Variants in RNF168 observed in about 807,000 individuals in gnomAD.
The protein encoded by RNF168 is ring finger protein 168.
Under a neutral mutation model 34.9 loss-of-function variants are expected in RNF168, and 34 were observed. The observed-to-expected ratio is 0.97, with a 90% confidence interval of 0.74 to 1.30. RNF168 has a LOEUF of 1.30. Ranked by LOEUF, RNF168 falls within the 50% of genes most tolerant of loss-of-function variation. The pLI is 0.00. For synonymous variants in RNF168, 264 were observed against 254.7 expected (o/e 1.04, Z -0.35); for missense variants, 725 against 682.5 (o/e 1.06, Z -0.69).
At chr3:196,495,218 A>G (rs1732711510) in intron 1 of RNF168, among the ~76,000 whole-genome samples, 1 of 152,110 alleles carries the variant, frequency 6.6e-6, no homozygotes, top group Non-Finnish European at 1.5e-5. Flanking sequence ...TGAAAGTTGC[A>G]TGATCATAAC....
chr3:196,503,290 C>T lies in RNF168; in HGVS notation c.-117G>A, dbSNP rs891086109. ...TGTGTTTCAGTATTATGCCCAGAAG[C>T]GTATCAGAATTCGGAGAACAGGAGC... On this transcript the variant is annotated 5_prime_UTR_variant, in exon 1 of 6. Coordinates refer to ENST00000318037, the MANE Select transcript of RNF168 (RefSeq NM_152617.4). The T allele has an allele frequency of 5.3e-5, 48 of 898,058 alleles. No individual in the cohort carries two copies. Among genetic ancestry groups the T allele is most frequent in the Non-Finnish European group, 8.3e-5 (46 of 557,522 alleles). 55.6% of individuals were successfully genotyped at this position (898,058 alleles called of 1,614,324 possible).
intron 1 of RNF168, among the ~76,000 whole-genome samples, chr3:196,494,926 G>A (rs751038282): frequency 2.6e-5 from 4 of 152,170 alleles, no homozygotes; most frequent in African/African-American, 9.7e-5. Context: ...AGGAGGTTGA[G>A]GTGGGAGGAT....
chr3:196,493,200 C>T (rs1401552714), intron 1 of RNF168, among the ~76,000 whole-genome samples: 1 of 152,164 alleles, frequency 6.6e-6, no homozygotes, highest in Middle Eastern at 3.2e-3. Flanking sequence ...GTGCGATTTA[C>T]AGAAGATGCC....
chr3:196,480,846 T>C (rs1732269130), intron 4 of RNF168, among the ~76,000 whole-genome samples: 1 of 152,140 alleles, frequency 6.6e-6, no homozygotes, highest in Admixed American at 6.5e-5. Context: ...GGTCTCCCTG[T>C]GCAGCTCGGG....
rs1732303006 is a variant in RNF168, at chr3:196,481,961, GCT to G, written c.680+1807_680+1808del. On this transcript the variant is annotated intron_variant, in intron 4 of 5. Transcript: ENST00000318037. ...TTATAGGCATGAGCCACTGTCCCTG[GCT>G]TTTTTTTTTTTTTTTTTTTAGAGAC... 1.7e-4 allele frequency among the ~76,000 whole-genome samples: 23 copies of G among 132,818 alleles called. 1 individual carries two copies. The highest frequency in any genetic ancestry group is 2.1e-4 in the Non-Finnish European group (13 of 62,276). 87.1% of individuals were successfully genotyped at this position (132,818 alleles called of 152,430 possible).
intron 3 of RNF168, 34 bp downstream of exon 3, chr3:196,487,365 T>C (rs1404318844): frequency 6.4e-7 from 1 of 1,573,152 alleles, no homozygotes; most frequent in Non-Finnish European, 8.8e-7. Flanking sequence ...TACCAAGGGA[T>C]GACCATACCT....
At position 196,471,899 on chromosome 3, in the gene RNF168, C is replaced by A. The variant is rs1354709386; in HGVS notation, c.1636G>T (p.Val546Leu). 1.2e-6 allele frequency: 2 copies of A among 1,613,818 alleles called. No individual in the cohort carries two copies. Among genetic ancestry groups the A allele is most frequent in the Non-Finnish European group, 1.7e-6 (2 of 1,179,906 alleles). ...MPNSTRDHCK[V>L]SKSAHSLQPS... is the part of the protein sequence containing the mutation. ...TGTAGGGAGTGAGCACTTTTGGATACCTTACAGTGATCTCTAGTAGAATTT... is the reference window on the plus strand; with the variant it reads ...TGTAGGGAGTGAGCACTTTTGGATAACTTACAGTGATCTCTAGTAGAATTT... Residue 546 changes from valine to leucine, a missense_variant, in exon 6 of 6, where the codon GTA becomes TTA. Transcript: ENST00000318037.
chr3:196,486,396 G>A (rs369702339), intron 3 of RNF168, among the ~76,000 whole-genome samples: 3 of 152,020 alleles, frequency 2.0e-5, no homozygotes, highest in East Asian at 1.9e-4. Context: ...GTGCAGTGGC[G>A]AGATCAGCTC....
In RNF168 at chr3:196,488,607, CT is replaced by C. The variant is rs763609874; in HGVS notation, c.377del (p.Lys126ArgfsTer47). ...LRREYEEEIS[K>X]VAAERRASEE... ...AAAAAAAAAACTATTTAGCACCTAC[CT>C]TGCTTATTTCCTCTTCATATTCTCT... On this transcript the variant is annotated frameshift_variant and splice_region_variant, in exon 2 of 6. Coordinates refer to ENST00000318037, the MANE Select transcript of RNF168 (RefSeq NM_152617.4). LOFTEE classifies it high-confidence loss of function. 16 of 1,574,628 alleles carry C rather than the reference CT, an allele frequency of 1.0e-5. No individual in the cohort carries two copies. Among genetic ancestry groups the C allele is most frequent in the African/African-American group, 2.7e-5 (2 of 73,978 alleles).
At chr3:196,491,550 ACAGAAGAATTGC>A (rs1166168197) in intron 1 of RNF168, among the ~76,000 whole-genome samples, 1 of 141,486 alleles carries the variant, frequency 7.1e-6, no homozygotes, top group Non-Finnish European at 1.5e-5. Context: ...AGAGGCTGAC[ACAGAAGAATTGC>A]TTGAACCCGG....
At chr3:196,474,430 T>A (rs928489866) in intron 5 of RNF168, among the ~76,000 whole-genome samples, 3 of 148,406 alleles carry the variant, frequency 2.0e-5, no homozygotes, top group Non-Finnish European at 3.0e-5. Context: ...GTGCTTGGCC[T>A]CCCATCTTGT....
chr3:196,479,382 G>A (rs1449518182), intron 4 of RNF168, among the ~76,000 whole-genome samples: 1 of 151,802 alleles, frequency 6.6e-6, no homozygotes, highest in East Asian at 1.9e-4. Context: ...ATAGCTCACG[G>A]CAGCCTTGAC....
At position 196,503,344 on chromosome 3, in the gene RNF168, C is replaced by G; in HGVS notation, c.-171G>C. On this transcript the variant is annotated 5_prime_UTR_variant, in exon 1 of 6. Transcript: ENST00000318037. Reference sequence around the variant, plus strand: ...CAACACGTCTTGAAGCAAAAAGGCGCTCTCAGGGTCAGGCAAACAGGAATA... The same window carrying G: ...CAACACGTCTTGAAGCAAAAAGGCGGTCTCAGGGTCAGGCAAACAGGAATA... 1.5e-6 allele frequency: 1 copy of G among 668,190 alleles called. No homozygotes were observed. The highest frequency in any genetic ancestry group is 2.7e-6 in the Non-Finnish European group (1 of 376,064). The allele number at this position is 668,190 out of a possible 1,614,324, so 41.4% of individuals were successfully genotyped here.
rs1335801691 is a variant in RNF168, at chr3:196,474,309, G to T, written c.762+922C>A. Among the ~76,000 whole-genome samples the T allele has an allele frequency of 1.7e-3, 243 of 140,308 alleles. 2 individuals are homozygous for T. Among genetic ancestry groups the T allele is most frequent in the African/African-American group, 6.0e-3 (231 of 38,354 alleles). 92.0% of individuals were successfully genotyped at this position (140,308 alleles called of 152,430 possible). The stretch of plus-strand genomic sequence containing the variant: ...CTGGCTAATTTTTTTTTTTTTTTTG[G>T]TATTTTTAGTAGAGATGGGGTTTCA... On this transcript the variant is annotated intron_variant, in intron 5 of 5. Transcript: ENST00000318037.
At chr3:196,481,194 T>C (rs1286444294) in intron 4 of RNF168, among the ~76,000 whole-genome samples, 1 of 152,218 alleles carries the variant, frequency 6.6e-6, no homozygotes, top group Non-Finnish European at 1.5e-5. Flanking sequence ...CTCCTTTTAT[T>C]GTGTTACTGT....
chr3:196,480,429 C>T (rs1732258605), intron 4 of RNF168, among the ~76,000 whole-genome samples: 1 of 152,360 alleles, frequency 6.6e-6, no homozygotes, highest in Admixed American at 6.5e-5. Context: ...AGATTTGCCA[C>T]ACTTTTGCAT....
chr3:196,500,526 G>A (rs1475659164), intron 1 of RNF168, among the ~76,000 whole-genome samples: 1 of 152,192 alleles, frequency 6.6e-6, no homozygotes, highest in African/African-American at 2.4e-5. Flanking sequence ...TGAGCCTCAA[G>A]GGTGTGGAAA....
chr3:196,481,101 T>C (rs1732275760), intron 4 of RNF168, among the ~76,000 whole-genome samples: 1 of 152,250 alleles, frequency 6.6e-6, no homozygotes, highest in African/African-American at 2.4e-5. Flanking sequence ...CTCTGACTTT[T>C]TGGGTTTTCT....
intron 4 of RNF168, among the ~76,000 whole-genome samples, chr3:196,475,879 A>C (rs1472652813): frequency 1.4e-5 from 2 of 140,076 alleles, no homozygotes; most frequent in Non-Finnish European, 3.0e-5. Context: ...CTTTTTTTTG[A>C]GACGGAGTCT....
Sources: gnomAD v4.1 joint callset for allele counts (sites outside exome capture counted in the v4.1 genomes callset) on GRCh38, gnomAD v4.1.1 for gene constraint, MANE v1.5 for transcripts, NCBI Gene and HGNC (gene_info 2026-07-23, HGNC 2026-07-21) for gene names.